The following PCDHGA11 variants were observed in gnomAD, a reference collection of about 807,000 sequenced individuals.
PCDHGA11 encodes the protein protocadherin gamma subfamily A, 11, also known as protocadherin gamma-A11.
In PCDHGA11, 39 loss-of-function variants were observed where a neutral mutation model predicts 60.4. The ratio of observed to expected loss-of-function variants is 0.65; its 90% CI spans 0.50 to 0.84. PCDHGA11 has a LOEUF of 0.84. PCDHGA11 is among the 40% of genes least tolerant of loss of function. PCDHGA11 has a pLI of 0.00. For synonymous variants in PCDHGA11, 533 were observed against 510.3 expected, an observed-to-expected ratio of 1.04 and a Z score of -0.60; for missense variants, 1,165 against 1,197.7, an observed-to-expected ratio of 0.97 and a Z score of 0.40.
At chr5:141,463,438 C>CTTTTTT (rs71576115) in intron 1 of PCDHGA11, among the ~76,000 whole-genome samples, 4 of 103,256 alleles carry the variant, frequency 3.9e-5, no homozygotes, top group African/African-American at 1.3e-4. Context: ...TTTCCTTCTC[C>CTTTTTT]TTTTTTTTTT....
At position 141,476,242 on chromosome 5, in the gene PCDHGA11, G is replaced by A. The variant is rs369923405; in HGVS notation, c.2434-18565G>A. The A allele has an allele frequency of 6.2e-6, 10 of 1,614,100 alleles. No individual in the cohort carries two copies. The highest frequency in any genetic ancestry group is 8.5e-6 in the Non-Finnish European group (10 of 1,180,026). The stretch of plus-strand genomic sequence containing the variant: ...ACTATGAGATCCCGGAGGAAAGAGA[G>A]AAGGGTTTCGCTGTGGGCAACGTGG... On this transcript the variant is annotated intron_variant, in intron 1 of 3. Transcript: ENST00000398587. This position sits in a 1 kb window ranked among gnomAD's most constrained non-coding sequence, Gnocchi z 7.6.
intron 1 of PCDHGA11, among the ~76,000 whole-genome samples, chr5:141,494,338 ACAG>A (rs2099753688): frequency 6.6e-6 from 1 of 152,224 alleles, no homozygotes; most frequent in African/African-American, 2.4e-5. Flanking sequence ...GTTACCAAGA[ACAG>A]CAGCCATCTT....
intron 2 of PCDHGA11, among the ~76,000 whole-genome samples, chr5:141,498,436 A>G (rs566463876): frequency 6.6e-6 from 1 of 152,268 alleles, no homozygotes; most frequent in East Asian, 1.9e-4. Flanking sequence ...GGGGATGAAG[A>G]GGAGAGGTTC....
chr5:141,477,611 C>T lies in PCDHGA11; in HGVS notation c.2434-17196C>T. On this transcript the variant is annotated intron_variant, in intron 1 of 3. Coordinates refer to ENST00000398587, the MANE Select transcript of PCDHGA11 (RefSeq NM_018914.3). This position sits in a 1 kb window ranked among gnomAD's most constrained non-coding sequence, Gnocchi z 4.9. ...TCGGCTTTCTTTCTTTCTCTTGGAG[C>T]AAGGAGCTGAAACCGGGCTAGTGGG... is the stretch of plus-strand genomic sequence containing the variant. The T allele has an allele frequency of 6.2e-7, 1 of 1,614,188 alleles. No homozygotes were observed. The highest frequency in any genetic ancestry group is 8.5e-7 in the Non-Finnish European group (1 of 1,180,036).
intron 1 of PCDHGA11, among the ~76,000 whole-genome samples, chr5:141,450,814 A>ATT (rs755856825): frequency 0.033 from 4,450 of 136,778 alleles, 81 homozygotes; most frequent in Middle Eastern, 0.081. Context: ...TTATTTATTT[A>ATT]ATATTATTAT....
intron 1 of PCDHGA11, among the ~76,000 whole-genome samples, chr5:141,472,980 C>CAAAAA (rs60579131): frequency 1.7e-4 from 15 of 86,092 alleles, no homozygotes; most frequent in East Asian, 4.1e-4. Context: ...GAGTGAAACT[C>CAAAAA]AAAAAAAAAA....
rs367919924 is a variant in PCDHGA11, at chr5:141,487,711, T to A, written c.2434-7096T>A. The A allele has an allele frequency of 1.1e-5, 18 of 1,586,144 alleles. No individual in the cohort carries two copies. In the African/African-American group the frequency reaches 2.1e-4, roughly 19 times the overall value. On this transcript the variant is annotated intron_variant, in intron 1 of 3. Transcript: ENST00000398587. The surrounding 1 kb of genome is among the most constrained non-coding windows in gnomAD (Gnocchi z 5.0). ...TAGAGAGTACTGGCCTCTCAGTAAG[T>A]GCCCATAGTGATGTCACCATTTTTG...
At position 141,489,437 on chromosome 5, in the gene PCDHGA11, T is replaced by C; in HGVS notation, c.2434-5370T>C. The C allele has an allele frequency of 6.2e-7, 1 of 1,614,110 alleles. No individual in the cohort carries two copies. Among genetic ancestry groups the C allele is most frequent in the Non-Finnish European group, 8.5e-7 (1 of 1,180,020 alleles). ...GATCTGTTGAGCCGGCGGCTGCAATTGGGCTCTGAGGAGAATGGGCGCTAT... is the reference window on the plus strand; with the variant it reads ...GATCTGTTGAGCCGGCGGCTGCAATCGGGCTCTGAGGAGAATGGGCGCTAT... On this transcript the variant is annotated intron_variant, in intron 1 of 3. Transcript: ENST00000398587. This position sits in a 1 kb window ranked among gnomAD's most constrained non-coding sequence, Gnocchi z 4.5.
rs1261967247 is a variant in PCDHGA11, at chr5:141,421,844, A to C, written c.617A>C (p.Glu206Ala). The C allele has an allele frequency of 1.2e-6, 2 of 1,613,740 alleles. No homozygotes were observed. The highest frequency in any genetic ancestry group is 4.5e-5 in the East Asian group (2 of 44,890). The part of the protein sequence containing the change: ...VLEGSLDREK[E>A]AAHLLLLTAL... Reference sequence around the variant, plus strand: ...GAGGGAAGCCTGGACCGAGAGAAAGAGGCTGCTCACCTGCTCCTCCTCACA... The same window carrying C: ...GAGGGAAGCCTGGACCGAGAGAAAGCGGCTGCTCACCTGCTCCTCCTCACA... The change falls in exon 1 of 4, where the codon GAG (glutamate) becomes GCG (alanine). Residue 206 changes from glutamate (E) to alanine (A), a missense_variant. Coordinates refer to ENST00000398587, the MANE Select transcript of PCDHGA11 (RefSeq NM_018914.3).
rs1377364370 is a variant in PCDHGA11, at chr5:141,477,489, C to T, written c.2434-17318C>T. 1 of 1,614,048 alleles carries T rather than the reference C, an allele frequency of 6.2e-7. No homozygotes were observed. Among genetic ancestry groups the T allele is most frequent in the Non-Finnish European group, 8.5e-7 (1 of 1,180,044 alleles). On this transcript the variant is annotated intron_variant, in intron 1 of 3. Coordinates refer to ENST00000398587, the MANE Select transcript of PCDHGA11 (RefSeq NM_018914.3). This position sits in a 1 kb window ranked among gnomAD's most constrained non-coding sequence, Gnocchi z 4.9. ...ATCAATGACAACCCTCCACAATCTT[C>T]TCAATCTTCCTACGACGTTTACATT...
chr5:141,508,777 AG>A (rs1428861784), intron 3 of PCDHGA11, among the ~76,000 whole-genome samples: 3 of 150,778 alleles, frequency 2.0e-5, no homozygotes, highest in Non-Finnish European at 4.4e-5. Context: ...TCCCCCCTCT[AG>A]CCCCTAAATC....
intron 1 of PCDHGA11, chr5:141,478,597 C>T: frequency 6.4e-7 from 1 of 1,567,010 alleles, no homozygotes; most frequent in Non-Finnish European, 8.7e-7. Flanking sequence ...TTTATTCCTA[C>T]ATCATATTGA....
rs187307897 is a variant in PCDHGA11 at position 141,505,900 on chromosome 5, A to G, written c.2581+419A>G. 2.6e-4 allele frequency among the ~76,000 whole-genome samples: 39 copies of G among 152,296 alleles called. 1 individual carries two copies. In the East Asian group the frequency reaches 6.8e-3, roughly 26 times the overall value. ...TGTAGAGATTAAATGAGATGATACCACAAAGCATAGAGTTCTGGGCCTGGC... is the reference window on the plus strand; with the variant it reads ...TGTAGAGATTAAATGAGATGATACCGCAAAGCATAGAGTTCTGGGCCTGGC... On this transcript the variant is annotated intron_variant, in intron 3 of 3. Transcript: ENST00000398587.
intron 1 of PCDHGA11, among the ~76,000 whole-genome samples, chr5:141,433,408 A>ATCT (rs1413347413): frequency 3.1e-3 from 395 of 127,344 alleles, no homozygotes; most frequent in African/African-American, 0.011. Context: ...TCTATCTATT[A>ATCT]CTTTCTTGTA....
intron 1 of PCDHGA11, among the ~76,000 whole-genome samples, chr5:141,437,926 T>C (rs1374182368): frequency 2.6e-5 from 4 of 152,058 alleles, no homozygotes; most frequent in Admixed American, 1.3e-4. Context: ...TTAGTAGAGA[T>C]GGGGTTTCAC....
intron 1 of PCDHGA11, among the ~76,000 whole-genome samples, chr5:141,453,827 C>T (rs2098775483): frequency 6.6e-6 from 1 of 152,320 alleles, no homozygotes; most frequent in South Asian, 2.1e-4. Flanking sequence ...AACTTGGCTG[C>T]TAGCCCTTCA....
chr5:141,443,226 A>T (rs2098374954), intron 1 of PCDHGA11, among the ~76,000 whole-genome samples: 1 of 152,042 alleles, frequency 6.6e-6, no homozygotes, highest in Non-Finnish European at 1.5e-5. Flanking sequence ...CGCATCTATA[A>T]TCTTAGCACT....
chr5:141,491,316 T>C lies in PCDHGA11; in HGVS notation c.2434-3491T>C. The C allele has an allele frequency of 3.1e-6, 5 of 1,614,176 alleles. No homozygotes were observed. The highest frequency in any genetic ancestry group is 3.4e-6 in the Non-Finnish European group (4 of 1,180,004). ...CTCCTGAGCGTTCAGACCTTACCCT[T>C]TACCTCATTGTGGCTCTAGCGACCG... is the stretch of plus-strand genomic sequence containing the variant. On this transcript the variant is annotated intron_variant, in intron 1 of 3. Coordinates refer to ENST00000398587, the MANE Select transcript of PCDHGA11 (RefSeq NM_018914.3). The surrounding 1 kb of genome is among the most constrained non-coding windows in gnomAD (Gnocchi z 6.9).
In PCDHGA11 at chr5:141,477,406, A is replaced by G. The variant is rs1004061582; in HGVS notation, c.2434-17401A>G. The G allele has an allele frequency of 6.2e-7, 1 of 1,614,154 alleles. No individual in the cohort carries two copies. Among genetic ancestry groups the G allele is most frequent in the Non-Finnish European group, 8.5e-7 (1 of 1,180,040 alleles). The stretch of plus-strand genomic sequence containing the variant: ...AATACAACCTCAGCATCACCGCCCG[A>G]GACGCCGGAACCCCTTCCCTCTCAG... On this transcript the variant is annotated intron_variant, in intron 1 of 3. Transcript: ENST00000398587. The surrounding 1 kb of genome is among the most constrained non-coding windows in gnomAD (Gnocchi z 4.9).
Sources: gnomAD v4.1 joint callset for allele counts (sites outside exome capture counted in the v4.1 genomes callset) on GRCh38, gnomAD v4.1.1 for gene constraint, Gnocchi (gnomAD v3.1) non-coding constraint, MANE v1.5 for transcripts, NCBI Gene and HGNC (gene_info 2026-07-23, HGNC 2026-07-21) for gene names.